NFATC2IP: variants seen among roughly 807,000 people sequenced by gnomAD.
NFATC2IP encodes nuclear factor of activated T cells 2 interacting protein, also known as NFATC2-interacting protein.
In NFATC2IP, 25 loss-of-function variants were observed where a neutral mutation model predicts 40.2. The ratio of observed to expected loss-of-function variants is 0.62; its 90% confidence interval spans 0.45 to 0.87. The LOEUF is 0.87. Ranked by LOEUF, NFATC2IP falls within the 40% of genes least tolerant of loss-of-function variation. The pLI is 0.00. For missense variants in NFATC2IP, 553 were observed against 555.6 expected, an observed-to-expected ratio of 1.00 and a Z score of 0.05; for synonymous variants, 241 against 236.3, an observed-to-expected ratio of 1.02 and a Z score of -0.18.
chr16:28,951,772 G>A (rs1234554352), intron 1 of NFATC2IP, among the ~76,000 whole-genome samples: 1 of 152,042 alleles, frequency 6.6e-6, no homozygotes, highest in East Asian at 1.9e-4. Context: ...GGGGGTTGGG[G>A]TCCATGCGGG....
chr16:28,963,631 G>C (rs944996873), intron 7 of NFATC2IP, 74 bp from the exon 8 acceptor site: 1 of 1,377,970 alleles, frequency 7.3e-7, no homozygotes, highest in Non-Finnish European at 1.0e-6. Flanking sequence ...CCTGTCCCAA[G>C]TTCCTCGTCT....
At chr16:28,960,023 T>A (rs979171061) in intron 7 of NFATC2IP, among the ~76,000 whole-genome samples, 1 of 152,188 alleles carries the variant, frequency 6.6e-6, no homozygotes, top group Non-Finnish European at 1.5e-5. Context: ...AGTGGAAACC[T>A]TCCTTACCTC....
intron 2 of NFATC2IP, among the ~76,000 whole-genome samples, chr16:28,954,275 T>C (rs1964996604): frequency 6.6e-6 from 1 of 152,320 alleles, no homozygotes; most frequent in Non-Finnish European, 1.5e-5. Context: ...GTGATGATCT[T>C]TTATTGACAG....
chr16:28,953,159 C>T (rs888885230), intron 2 of NFATC2IP, among the ~76,000 whole-genome samples: 1 of 152,180 alleles, frequency 6.6e-6, no homozygotes, highest in African/African-American at 2.4e-5. Flanking sequence ...ACTGCAACCT[C>T]CATCTCCCAG....
chr16:28,958,552 T>C, intron 5 of NFATC2IP, 165 bp from the exon 6 acceptor site: 1 of 633,726 alleles, frequency 1.6e-6, no homozygotes, highest in Non-Finnish European at 2.8e-6. Flanking sequence ...CCTGTACCCC[T>C]TGCTGACACG....
At position 28,964,875 on chromosome 16, in the gene NFATC2IP, C is replaced by T. The variant is rs1248085889; in HGVS notation, c.*1012C>T. 6.6e-6 allele frequency: 1 copy of T among 152,204 alleles called. No homozygotes were observed. The highest frequency in any genetic ancestry group is 2.4e-5 in the African/African-American group (1 of 41,452). The allele number at this position is 152,204 out of a possible 1,614,324, so 9.4% of individuals were successfully genotyped here. Reference sequence around the variant, plus strand: ...CCTAAAGTGGGGGACACCTGGGTGCCCCTGACCCCTTGGCACCGGATACAG... The same window carrying T: ...CCTAAAGTGGGGGACACCTGGGTGCTCCTGACCCCTTGGCACCGGATACAG... On this transcript the variant is annotated 3_prime_UTR_variant, in exon 8 of 8. Coordinates refer to ENST00000320805, the MANE Select transcript of NFATC2IP (RefSeq NM_032815.4).
At chr16:28,960,124 GTC>G (rs774640934) in intron 7 of NFATC2IP, among the ~76,000 whole-genome samples, 8 of 152,048 alleles carry the variant, frequency 5.3e-5, no homozygotes, top group African/African-American at 1.7e-4. Context: ...TTCTCCATGT[GTC>G]TCTGTCTGTG....
chr16:28,958,887 C>T (rs779541120), intron 6 of NFATC2IP, 26 bp downstream of exon 6: 1 of 1,612,504 alleles, frequency 6.2e-7, no homozygotes, highest in East Asian at 2.2e-5. Context: ...GGAGGTGGGG[C>T]CTTGAGGCAT....
rs1474015474 is a variant in NFATC2IP at position 28,963,707 on chromosome 16, T to A, written c.1104T>A (p.Asp368Glu). ...CATTTTCTTTTGTCTCCATCCAGGA[T>A]TCCCCTCTAAAGACCCTCATGTCCC... is the stretch of plus-strand genomic sequence containing the variant. Reference protein sequence around the residue: ...HQTLEVSLSRDSPLKTLMSHY... With the variant: ...HQTLEVSLSRESPLKTLMSHY... Residue 368 changes from aspartate to glutamate, a missense_variant and splice_region_variant, in exon 8 of 8, where the codon GAT becomes GAA. Asp to Glu is a conservative substitution (Grantham distance 45, BLOSUM62 2). Coordinates refer to ENST00000320805, the MANE Select transcript of NFATC2IP (RefSeq NM_032815.4). 3.7e-6 allele frequency: 6 copies of A among 1,613,962 alleles called. No individual in the cohort carries two copies. The highest frequency in any genetic ancestry group is 4.2e-6 in the Non-Finnish European group (5 of 1,179,836).
chr16:28,963,617 C>T, intron 7 of NFATC2IP, 88 bp from the exon 8 acceptor site: 1 of 1,193,776 alleles, frequency 8.4e-7, no homozygotes. Flanking sequence ...CTGCCGCCAT[C>T]CTCCCTGTCC....
intron 5 of NFATC2IP, chr16:28,956,999 C>T (rs1028144113): frequency 2.0e-5 from 3 of 152,012 alleles, no homozygotes; most frequent in Non-Finnish European, 4.4e-5. Context: ...TGTCTGCTTT[C>T]TTTGTAGACT....
At chr16:28,958,688 C>T (rs1208927340) in intron 5 of NFATC2IP, 29 bp from the exon 6 acceptor site, 3 of 1,589,304 alleles carry the variant, frequency 1.9e-6, no homozygotes, top group Non-Finnish European at 1.7e-6. Context: ...GGCAGGAAGA[C>T]CTCTTTTGCT....
rs760058766 is a variant in NFATC2IP at position 28,952,264 on chromosome 16, G to A, written c.460+60G>A. On this transcript the variant is annotated intron_variant, in intron 2 of 7. Transcript: ENST00000320805. ...GCTGGCTTCTCTTAAGAGAATTCCT[G>A]GGGTTTATATTCCTGCAGTCAGTTG... 4.4e-6 allele frequency: 7 copies of A among 1,608,438 alleles called. No individual in the cohort carries two copies. The South Asian group carries it at 7.7e-5, about 18-fold the overall frequency.
At position 28,951,148 on chromosome 16, in the gene NFATC2IP, T is replaced by C; in HGVS notation, c.137T>C (p.Val46Ala). 1 of 1,546,510 alleles carries C rather than the reference T, an allele frequency of 6.5e-7. No individual in the cohort carries two copies. Among genetic ancestry groups the C allele is most frequent in the Non-Finnish European group, 8.7e-7 (1 of 1,144,930 alleles). ...CCATCCCGGGGCACGCTGGACGTAG[T>C]GTCTGTGGACTTGGTCACCGACAGC... is the stretch of plus-strand genomic sequence containing the variant. ...RSPSRGTLDV[V>A]SVDLVTDSDE... Residue 46 changes from valine to alanine, a missense_variant, in exon 1 of 8, where the codon GTG becomes GCG. Transcript: ENST00000320805.
chr16:28,960,562 G>A (rs757688892), intron 7 of NFATC2IP, among the ~76,000 whole-genome samples: 4 of 152,120 alleles, frequency 2.6e-5, no homozygotes, highest in South Asian at 2.1e-4. Flanking sequence ...CTGCGGACCC[G>A]TGAAATCTAG....
intron 7 of NFATC2IP, among the ~76,000 whole-genome samples, chr16:28,962,861 A>G (rs1265704290): frequency 6.6e-6 from 1 of 151,952 alleles, no homozygotes; most frequent in Non-Finnish European, 1.5e-5. Context: ...TTCTCCCCTC[A>G]TGTCTGTTTC....
At position 28,958,852 on chromosome 16, in the gene NFATC2IP, G is replaced by A; in HGVS notation, c.982G>A (p.Asp328Asn). The stretch of plus-strand genomic sequence containing the variant: ...CAGGACCCTAAAGCTCGGAGTGGCT[G>A]ACATCATTGGTGAGAGGAAGGCAGG... ...TPRTLKLGVA[D>N]IIDCVVLTSS... Residue 328 changes from aspartate (D) to asparagine (N), a missense_variant, in exon 6 of 8, where the codon GAC becomes AAC. Coordinates refer to ENST00000320805, the MANE Select transcript of NFATC2IP (RefSeq NM_032815.4). The A allele has an allele frequency of 6.2e-7, 1 of 1,613,884 alleles. No homozygotes were observed. Among genetic ancestry groups the A allele is most frequent in the South Asian group, 1.1e-5 (1 of 91,030 alleles).
At chr16:28,959,748 A>C (rs980655667) in intron 7 of NFATC2IP, among the ~76,000 whole-genome samples, 2 of 151,800 alleles carry the variant, frequency 1.3e-5, no homozygotes, top group Non-Finnish European at 2.9e-5. Flanking sequence ...TTGCATTTTT[A>C]GTAGAGACAG....
intron 7 of NFATC2IP, 139 bp downstream of exon 7, chr16:28,959,239 C>G: frequency 1.6e-6 from 1 of 613,914 alleles, no homozygotes; most frequent in Non-Finnish European, 3.0e-6. Context: ...GGGTTCCCAG[C>G]CATCCTAGGT....
Sources: gnomAD v4.1 joint callset for allele counts (sites outside exome capture counted in the v4.1 genomes callset) on GRCh38, gnomAD v4.1.1 for gene constraint, MANE v1.5 for transcripts, NCBI Gene and HGNC (gene_info 2026-07-23, HGNC 2026-07-21) for gene names.